Variants in PSMA5 observed in about 807,000 individuals in gnomAD.
The protein encoded by PSMA5 is proteasome subunit alpha type-5.
A neutral mutation model predicts 34.5 loss-of-function variants in PSMA5; 3 were observed. That is an observed-to-expected ratio of 0.09 (90% CI 0.04 to 0.22). PSMA5 has a LOEUF of 0.22. Ranked by LOEUF, PSMA5 falls within the 10% of genes least tolerant of loss-of-function variation. PSMA5 has a pLI of 1.00. For missense variants in PSMA5, 120 were observed against 286.1 expected (o/e 0.42, Z 4.19); for synonymous variants, 88 against 95.8 (o/e 0.92, Z 0.47).
chr1:109,414,034 T>A (rs746141305), intron 3 of PSMA5, among the ~76,000 whole-genome samples: 1 of 152,202 alleles, frequency 6.6e-6, no homozygotes, highest in Non-Finnish European at 1.5e-5. Context: ...ACCTTTCCCA[T>A]CCTTGCAAAA....
chr1:109,406,950 A>G (rs1268480330), intron 8 of PSMA5, among the ~76,000 whole-genome samples: 1 of 152,126 alleles, frequency 6.6e-6, no homozygotes, highest in Non-Finnish European at 1.5e-5. Context: ...ACATATAAAG[A>G]TTTTCTTAAA....
chr1:109,406,501 C>T (rs1653767893), intron 8 of PSMA5, among the ~76,000 whole-genome samples: 1 of 152,040 alleles, frequency 6.6e-6, no homozygotes, highest in Admixed American at 6.6e-5. Context: ...AGTTTAAGAC[C>T]AGTCTGGGCA....
intron 4 of PSMA5, 163 bp from the exon 5 acceptor site, chr1:109,412,347 A>C (rs932885129): frequency 3.4e-6 from 2 of 587,154 alleles, no homozygotes; most frequent in African/African-American, 3.7e-5. Flanking sequence ...CATGAGAGGA[A>C]GAGAAATAGC....
chr1:109,418,102 G>A (rs1654289282), intron 2 of PSMA5, among the ~76,000 whole-genome samples: 1 of 152,074 alleles, frequency 6.6e-6, no homozygotes, highest in African/African-American at 2.4e-5. Flanking sequence ...GCATGTGCCT[G>A]TAGCTGGGGG....
chr1:109,418,303 TCTGA>T (rs918072644), intron 2 of PSMA5, among the ~76,000 whole-genome samples: 4 of 151,896 alleles, frequency 2.6e-5, no homozygotes, highest in African/African-American at 9.7e-5. Context: ...CTCTAAACAA[TCTGA>T]CCAGTTCAAA....
intron 2 of PSMA5, 146 bp from the exon 3 acceptor site, chr1:109,415,509 T>C: frequency 1.5e-6 from 1 of 652,194 alleles, no homozygotes; most frequent in East Asian, 3.1e-5. Flanking sequence ...CCTAACATAC[T>C]GTAAGTAATT....
chr1:109,424,633 G>A (rs999221779), intron 1 of PSMA5, among the ~76,000 whole-genome samples: 32 of 151,748 alleles, frequency 2.1e-4, no homozygotes, highest in African/African-American at 7.7e-4. Flanking sequence ...AAAATTAGCC[G>A]GGCGTGGTGG....
At position 109,401,566 on chromosome 1, in the gene PSMA5, T is replaced by C. The variant is rs1653524960; in HGVS notation, c.*447A>G. On this transcript the variant is annotated 3_prime_UTR_variant, in exon 9 of 9. Transcript: ENST00000271308. ...TTAATGGATATAGTTGATTCTGTTATAGAGCATCACTAAAACAGTTTTAGA... is the reference window on the plus strand; with the variant it reads ...TTAATGGATATAGTTGATTCTGTTACAGAGCATCACTAAAACAGTTTTAGA... 2 of 152,828 alleles carry C rather than the reference T, an allele frequency of 1.3e-5. No homozygotes were observed. The highest frequency in any genetic ancestry group is 4.8e-5 in the African/African-American group (2 of 41,582). 9.5% of individuals were successfully genotyped at this position (152,828 alleles called of 1,614,324 possible).
intron 2 of PSMA5, 48 bp from the exon 3 acceptor site, chr1:109,415,411 C>G: frequency 6.4e-7 from 1 of 1,569,462 alleles, no homozygotes; most frequent in Non-Finnish European, 8.7e-7. Flanking sequence ...AAATAACTGT[C>G]TTACATACTC....
intron 5 of PSMA5, 21 bp from the exon 6 acceptor site, chr1:109,411,956 A>G: frequency 2.5e-6 from 4 of 1,604,602 alleles, no homozygotes; most frequent in Non-Finnish European, 3.4e-6. Context: ...AAAATAAGAG[A>G]TATTAAGATA....
At chr1:109,403,839 C>T (rs1011635526) in intron 8 of PSMA5, among the ~76,000 whole-genome samples, 8 of 151,882 alleles carry the variant, frequency 5.3e-5, no homozygotes, top group Non-Finnish European at 1.0e-4. Context: ...TATCTGGGAA[C>T]AGACTTAAAA....
chr1:109,410,258 T>C (rs1195481824), intron 7 of PSMA5, among the ~76,000 whole-genome samples: 1 of 152,116 alleles, frequency 6.6e-6, no homozygotes, highest in East Asian at 1.9e-4. Flanking sequence ...ACCAAAGTAA[T>C]CTTTGAAGAA....
At chr1:109,425,049 G>A (rs575639534) in intron 1 of PSMA5, among the ~76,000 whole-genome samples, 2 of 152,216 alleles carry the variant, frequency 1.3e-5, no homozygotes, top group African/African-American at 4.8e-5. Context: ...CTGCACTCCA[G>A]CCTGGGCCAC....
intron 8 of PSMA5, among the ~76,000 whole-genome samples, chr1:109,406,987 T>C (rs988253503): frequency 6.6e-6 from 1 of 152,008 alleles, no homozygotes; most frequent in Non-Finnish European, 1.5e-5. Flanking sequence ...GTAACTTGGA[T>C]ATATATATAT....
intron 8 of PSMA5, among the ~76,000 whole-genome samples, chr1:109,402,906 T>G (rs937327560): frequency 6.6e-6 from 1 of 152,186 alleles, no homozygotes; most frequent in African/African-American, 2.4e-5. Flanking sequence ...CGATTCTCCA[T>G]GTTGGTCAGG....
intron 2 of PSMA5, among the ~76,000 whole-genome samples, chr1:109,415,864 C>G (rs1352918748): frequency 6.6e-6 from 1 of 152,102 alleles, no homozygotes; most frequent in Non-Finnish European, 1.5e-5. Context: ...CCCAACCTAC[C>G]TGACCTCCAA....
In PSMA5 at chr1:109,400,497, G is replaced by T. The variant is rs760839293; in HGVS notation, c.*1516C>A. 4 of 152,026 alleles carry T rather than the reference G, an allele frequency of 2.6e-5. No homozygotes were observed. Among genetic ancestry groups the T allele is most frequent in the Non-Finnish European group, 2.9e-5 (2 of 68,004 alleles). The allele number at this position is 152,026 out of a possible 1,614,324, so 9.4% of individuals were successfully genotyped here. On this transcript the variant is annotated 3_prime_UTR_variant, in exon 9 of 9. Coordinates refer to ENST00000271308, the MANE Select transcript of PSMA5 (RefSeq NM_002790.4). ...GGATTTTCAAGGGTATTTTCTATTA[G>T]GATTTAATAAAACAAAGTGATCTTT...
chr1:109,408,215 A>AC (rs1653859228), intron 8 of PSMA5, among the ~76,000 whole-genome samples: 1 of 152,100 alleles, frequency 6.6e-6, no homozygotes. Context: ...CTCATCCCTT[A>AC]CCGTCCCCCA....
intron 2 of PSMA5, among the ~76,000 whole-genome samples, chr1:109,418,623 A>T (rs903368887): frequency 1.3e-5 from 2 of 152,058 alleles, no homozygotes; most frequent in Admixed American, 6.6e-5. Flanking sequence ...CTAATTTTTT[A>T]AATTTTTTCT....
Sources: gnomAD v4.1 joint callset for allele counts (sites outside exome capture counted in the v4.1 genomes callset) on GRCh38, gnomAD v4.1.1 for gene constraint, MANE v1.5 for transcripts, NCBI Gene and HGNC (gene_info 2026-07-23, HGNC 2026-07-21) for gene names.